The following FAT1 variants were observed in gnomAD, a reference collection of about 807,000 sequenced individuals.
FAT1 encodes the protein protocadherin Fat 1.
In FAT1, 171 loss-of-function variants were observed where a neutral mutation model predicts 329.8. The observed-to-expected ratio is 0.52, with a 90% CI of 0.46 to 0.59. The LOEUF (loss-of-function observed/expected upper bound fraction) is 0.59, where lower values mean the gene tolerates loss of function less well. Ranked by LOEUF, FAT1 falls within the 20% of genes least tolerant of loss-of-function variation. The pLI is 0.00. For missense variants in FAT1, 5,672 were observed against 5,774.4 expected (o/e 0.98, Z 0.57); for synonymous variants, 2,233 against 2,228.6 (o/e 1.00, Z -0.06).
rs889447302 is a variant in FAT1 at position 186,723,803 on chromosome 4, C to T, written c.-158G>A. ...ATGGTACCTGCCGCACGAGCCGCTCCCGCGCCCTCTCCCCGCGCCCGGCCG... is the reference window on the plus strand; with the variant it reads ...ATGGTACCTGCCGCACGAGCCGCTCTCGCGCCCTCTCCCCGCGCCCGGCCG... On this transcript the variant is annotated 5_prime_UTR_variant, in exon 1 of 27. Transcript: ENST00000441802. 6.6e-6 allele frequency: 1 copy of T among 150,924 alleles called. No individual in the cohort carries two copies. The highest frequency in any genetic ancestry group is 2.0e-4 in the East Asian group (1 of 5,070). The allele number at this position is 150,924 out of a possible 1,614,324, so 9.3% of individuals were successfully genotyped here. A position where few individuals can be genotyped will look rare whatever the true frequency, so the allele number is the denominator to read the frequency against.
intron 2 of FAT1, among the ~76,000 whole-genome samples, chr4:186,694,734 A>G (rs1243661735): frequency 6.6e-6 from 1 of 152,194 alleles, no homozygotes; most frequent in Non-Finnish European, 1.5e-5. Context: ...AGGCTGAGGA[A>G]GGCAGATCAC....
At position 186,596,187 on chromosome 4, in the gene FAT1, G is replaced by A. The variant is rs561447708; in HGVS notation, c.13000+353C>T. Among the ~76,000 whole-genome samples the A allele has an allele frequency of 7.9e-5, 12 of 152,020 alleles. No individual in the cohort carries two copies. In the East Asian group the frequency reaches 1.4e-3, roughly 17 times the overall value. ...TCACTAATATAAATATTTCCACTTC[G>A]CCAGGTCATATTTTTAAAAATCCTA... On this transcript the variant is annotated intron_variant, in intron 25 of 26. Coordinates refer to ENST00000441802, the MANE Select transcript of FAT1 (RefSeq NM_005245.4). The surrounding 1 kb of genome is among the most constrained non-coding windows in gnomAD (Gnocchi z 4.7).
chr4:186,689,574 T>C (rs1743646339), intron 2 of FAT1, among the ~76,000 whole-genome samples: 1 of 152,182 alleles, frequency 6.6e-6, no homozygotes. Context: ...TCACAAGAAT[T>C]GCTTCACTGT....
intron 1 of FAT1, among the ~76,000 whole-genome samples, chr4:186,714,298 G>A (rs1414408057): frequency 6.6e-6 from 1 of 152,080 alleles, no homozygotes; most frequent in Non-Finnish European, 1.5e-5. Context: ...AGGGAAAGGA[G>A]GAGAGAACAG....
At position 186,638,729 on chromosome 4, in the gene FAT1, G is replaced by A. The variant is rs1339978927; in HGVS notation, c.3642+993C>T. On this transcript the variant is annotated intron_variant, in intron 4 of 26. Coordinates refer to ENST00000441802, the MANE Select transcript of FAT1 (RefSeq NM_005245.4). ...AGGATAAAATGAAATTAAGCAGGCA[G>A]CATTATAAACAGCAATATTAAAAGA... Among the ~76,000 whole-genome samples, 12 of 152,192 alleles carry A rather than the reference G, an allele frequency of 7.9e-5. No homozygotes were observed. In the East Asian group the frequency reaches 2.3e-3, roughly 29 times the overall value.
At position 186,636,757 on chromosome 4, in the gene FAT1, C is replaced by G. The variant is rs2126564113; in HGVS notation, c.3800G>C (p.Arg1267Thr). 1 of 1,613,942 alleles carries G rather than the reference C, an allele frequency of 6.2e-7. No individual in the cohort carries two copies. The highest frequency in any genetic ancestry group is 8.5e-7 in the Non-Finnish European group (1 of 1,179,866). Residue 1267 changes from arginine to threonine, a missense_variant, in exon 5 of 27, where the codon AGA becomes ACA. Arg to Thr is a moderately conservative substitution (Grantham distance 71). Coordinates refer to ENST00000441802, the MANE Select transcript of FAT1 (RefSeq NM_005245.4). ...REKPDRERNA[R>T]REPLYHVIAT... Reference sequence around the variant, plus strand: ...TATGACGTGATAGAGCGGCTCCCGTCTGGCATTTCTTTCTCGGTCTGGCTT... The same window carrying G: ...TATGACGTGATAGAGCGGCTCCCGTGTGGCATTTCTTTCTCGGTCTGGCTT...
intron 2 of FAT1, among the ~76,000 whole-genome samples, chr4:186,688,114 G>GAAAAAAAAAAA (rs55834504): frequency 3.6e-5 from 2 of 55,654 alleles, no homozygotes; most frequent in African/African-American, 5.7e-5. Flanking sequence ...ACTCAAAGCT[G>GAAAAAAAAAAA]AAAAAAAAAA....
In FAT1 at chr4:186,663,437, T is replaced by C; in HGVS notation, c.3442A>G (p.Ile1148Val). The C allele has an allele frequency of 6.2e-7, 1 of 1,614,024 alleles. No individual in the cohort carries two copies. The highest frequency in any genetic ancestry group is 1.3e-5 in the African/African-American group (1 of 75,048). ...ACATCTTTAGGAGAATTTTCCATGA[T>C]TTCTGGGTAATAAACAGGCTCTGAT... ...QTSEPVYYPE[I>V]MENSPKDVSV... The change falls in exon 3 of 27, where the codon ATC becomes GTC. Residue 1148 changes from isoleucine to valine, a missense_variant. Physicochemically the swap from Ile to Val is conservative, Grantham distance 29. This residue lies in a region of FAT1 where 3,966 missense variants were observed against 3,915.2 expected (regional missense o/e 1.01). Coordinates refer to ENST00000441802, the MANE Select transcript of FAT1 (RefSeq NM_005245.4).
At chr4:186,659,765 G>A (rs1049394624) in intron 3 of FAT1, among the ~76,000 whole-genome samples, 3 of 145,702 alleles carry the variant, frequency 2.1e-5, no homozygotes, top group African/African-American at 5.2e-5. Flanking sequence ...ACAACCCTGG[G>A]TGCTCCTGCA....
chr4:186,660,270 C>A (rs937510127), intron 3 of FAT1, among the ~76,000 whole-genome samples: 1 of 152,064 alleles, frequency 6.6e-6, no homozygotes, highest in Non-Finnish European at 1.5e-5. Context: ...TGTAAGAAGA[C>A]GAGGCATGTG....
At position 186,656,873 on chromosome 4, in the gene FAT1, G is replaced by A. The variant is rs371433958; in HGVS notation, c.3580+6426C>T. Reference sequence around the variant, plus strand: ...GAGGTGTTTACAGTACATACATATTGATGGCACTTCTAAACTTAAAAAGGC... The same window carrying A: ...GAGGTGTTTACAGTACATACATATTAATGGCACTTCTAAACTTAAAAAGGC... On this transcript the variant is annotated intron_variant, in intron 3 of 26. Coordinates refer to ENST00000441802, the MANE Select transcript of FAT1 (RefSeq NM_005245.4). Among the ~76,000 whole-genome samples the A allele has an allele frequency of 2.4e-4, 37 of 152,262 alleles. No homozygotes were observed. The East Asian group carries it at 5.8e-3, about 24-fold the overall frequency.
chr4:186,628,025 TA>T, intron 9 of FAT1, 128 bp downstream of exon 9: 1 of 977,556 alleles, frequency 1.0e-6, no homozygotes, highest in Non-Finnish European at 1.5e-6. Context: ...AAATTGTATC[TA>T]GAGATCAATT....
At chr4:186,682,967 C>T (rs1743296696) in intron 2 of FAT1, among the ~76,000 whole-genome samples, 2 of 152,184 alleles carry the variant, frequency 1.3e-5, no homozygotes, top group South Asian at 4.1e-4. Flanking sequence ...AGGGTCACTC[C>T]CGTGTAAGGG....
chr4:186,686,949 T>G (rs1174443634), intron 2 of FAT1, among the ~76,000 whole-genome samples: 2 of 152,210 alleles, frequency 1.3e-5, no homozygotes, highest in African/African-American at 4.8e-5. Flanking sequence ...AACGAAAAAT[T>G]CAACTACTTC....
At chr4:186,610,661 A>AT (rs377319738) in intron 14 of FAT1, among the ~76,000 whole-genome samples, 10,986 of 83,594 alleles carry the variant, frequency 0.13, 1,907 homozygotes, top group Non-Finnish European at 0.19. Context: ...ATAAATATAA[A>AT]TTATATAATT....
chr4:186,618,792 T>G lies in FAT1; in HGVS notation c.7794A>C (p.Ala2598=), dbSNP rs752273756. ...ACCCGATATTCACTTCGTATTTGGTTGCTCGAAATTGTGGTGCATTGTCAT... is the reference window on the plus strand; with the variant it reads ...ACCCGATATTCACTTCGTATTTGGTGGCTCGAAATTGTGGTGCATTGTCAT... The part of the protein sequence containing the change: ...DDNDNAPQFR[A]TKYEVNIGSS... Residue 2598 remains alanine, a synonymous_variant, in exon 10 of 27, where the codon GCA becomes GCC. Transcript: ENST00000441802. 3.1e-6 allele frequency: 5 copies of G among 1,614,036 alleles called. No homozygotes were observed. Among genetic ancestry groups the G allele is most frequent in the Non-Finnish European group, 3.4e-6 (4 of 1,179,894 alleles).
chr4:186,653,754 A>C (rs1741776637), intron 3 of FAT1, among the ~76,000 whole-genome samples: 2 of 152,114 alleles, frequency 1.3e-5, no homozygotes, highest in Admixed American at 1.3e-4. Context: ...AGCGGTGCTC[A>C]CTCATTTCCG....
rs1207942250 is a variant in FAT1 at position 186,707,778 on chromosome 4, C to A, written c.2050G>T (p.Ala684Ser). The change falls in exon 2 of 27, where the codon GCA (alanine) becomes TCA (serine). Residue 684 changes from alanine (A) to serine (S), a missense_variant. Ala to Ser is a moderately conservative substitution (Grantham distance 99). This residue lies in a region of FAT1 where 3,966 missense variants were observed against 3,915.2 expected (regional missense o/e 1.01). Coordinates refer to ENST00000441802, the MANE Select transcript of FAT1 (RefSeq NM_005245.4). ...CEETGVAKML[A>S]EKLLQANKLH... is the part of the protein sequence containing the mutation. Reference sequence around the variant, plus strand: ...TTATTTGCCTGCAGGAGCTTCTCTGCCAGCATTTTGGCAACACCAGTCTCT... The same window carrying A: ...TTATTTGCCTGCAGGAGCTTCTCTGACAGCATTTTGGCAACACCAGTCTCT... 2 of 1,613,700 alleles carry A rather than the reference C, an allele frequency of 1.2e-6. No homozygotes were observed. Among genetic ancestry groups the A allele is most frequent in the East Asian group, 2.2e-5 (1 of 44,878 alleles).
At chr4:186,672,661 G>A (rs1742783362) in intron 2 of FAT1, among the ~76,000 whole-genome samples, 1 of 152,158 alleles carries the variant, frequency 6.6e-6, no homozygotes, top group South Asian at 2.1e-4. Context: ...AGTAGGTAAC[G>A]TTATCATATC....
Sources: allele counts gnomAD v4.1 joint callset (sites outside exome capture counted in the v4.1 genomes callset), GRCh38; gene constraint gnomAD v4.1.1; regional missense constraint gnomAD v4.1.1; non-coding constraint Gnocchi (gnomAD v3.1); transcripts MANE v1.5; gene names NCBI Gene and HGNC (gene_info 2026-07-23, HGNC 2026-07-21).